The following PCDHGB4 variants were observed in gnomAD, a reference collection of about 807,000 sequenced individuals.
PCDHGB4 encodes the protein protocadherin gamma subfamily B, 4.
A neutral mutation model predicts 60.5 loss-of-function variants in PCDHGB4; 38 were observed. That is an observed-to-expected ratio of 0.63 (90% CI 0.48 to 0.82). The LOEUF is 0.82. PCDHGB4 is among the 40% of genes least tolerant of loss of function. The pLI, the probability that PCDHGB4 is intolerant of heterozygous loss-of-function variation, is 0.00. For synonymous variants in PCDHGB4, 456 were observed against 509.7 expected (o/e 0.89, Z 1.42); for missense variants, 1,109 against 1,209.6 (o/e 0.92, Z 1.23).
intron 1 of PCDHGB4, chr5:141,393,024 A>G (rs755325492): frequency 6.2e-7 from 1 of 1,613,834 alleles, no homozygotes; most frequent in East Asian, 2.2e-5. Context: ...CTCCAGAGGT[A>G]GGACGCAGCT....
Position 141,477,966 on chromosome 5 carries a change from G to A in PCDHGB4, c.2398-16841G>A, listed in dbSNP as rs2099426792. 6.2e-7 allele frequency: 1 copy of A among 1,614,118 alleles called. No individual in the cohort carries two copies. The highest frequency in any genetic ancestry group is 8.5e-7 in the Non-Finnish European group (1 of 1,180,036). ...AGTCTCTTGGGATCCCCTAACCAGAGCCTTTTTGCCATAGGGCTGCACACT... is the reference window on the plus strand; with the variant it reads ...AGTCTCTTGGGATCCCCTAACCAGAACCTTTTTGCCATAGGGCTGCACACT... On this transcript the variant is annotated intron_variant, in intron 1 of 3. Transcript: ENST00000519479. This position sits in a 1 kb window ranked among gnomAD's most constrained non-coding sequence, Gnocchi z 4.9.
chr5:141,418,125 G>C, intron 1 of PCDHGB4: 1 of 1,614,086 alleles, frequency 6.2e-7, no homozygotes. Flanking sequence ...GTGAAGGACC[G>C]AATAGACCGT....
chr5:141,422,699 C>G (rs765368737), intron 1 of PCDHGB4: 2 of 1,603,420 alleles, frequency 1.2e-6, no homozygotes, highest in South Asian at 1.1e-5. Context: ...GTCACTTACT[C>G]TCTGACGGAT....
rs762238827 is a variant in PCDHGB4 at position 141,487,202 on chromosome 5, C to T, written c.2398-7605C>T. ...CACTCATCCAGTTGTCCCAGATCTT[C>T]GAGAATCTTCAGCTCCAAGGGAAGG... On this transcript the variant is annotated intron_variant, in intron 1 of 3. Coordinates refer to ENST00000519479, the MANE Select transcript of PCDHGB4 (RefSeq NM_003736.4). This position sits in a 1 kb window ranked among gnomAD's most constrained non-coding sequence, Gnocchi z 5.0. 7 of 1,613,660 alleles carry T rather than the reference C, an allele frequency of 4.3e-6. No homozygotes were observed. The highest frequency in any genetic ancestry group is 1.7e-5 in the Admixed American group (1 of 59,992).
At chr5:141,414,496 C>T in intron 1 of PCDHGB4, 7 of 1,613,956 alleles carry the variant, frequency 4.3e-6, no homozygotes, top group Middle Eastern at 1.6e-4. Flanking sequence ...AACGGAAGCT[C>T]ACTTTATGCT....
chr5:141,433,208 CTTTT>C (rs745329085), intron 1 of PCDHGB4: 3 of 1,293,778 alleles, frequency 2.3e-6, no homozygotes, highest in African/African-American at 1.5e-5. Flanking sequence ...AATCTTCTTT[CTTTT>C]TTTTTTTTAA....
At chr5:141,396,562 G>C (rs2150669769) in intron 1 of PCDHGB4, 1 of 152,144 alleles carries the variant, frequency 6.6e-6, no homozygotes, top group South Asian at 2.1e-4. Context: ...GGAGGTTGCA[G>C]TGAGCCTCGA....
intron 2 of PCDHGB4, among the ~76,000 whole-genome samples, chr5:141,496,753 A>G (rs2099771084): frequency 6.6e-6 from 1 of 152,166 alleles, no homozygotes; most frequent in Admixed American, 6.5e-5. Flanking sequence ...TTCAACAAAT[A>G]TTTATCGAGC....
At chr5:141,408,912 A>G (rs772751015) in intron 1 of PCDHGB4, 4 of 1,613,594 alleles carry the variant, frequency 2.5e-6, no homozygotes, top group Middle Eastern at 1.6e-4. Flanking sequence ...GATACCAATG[A>G]TAACCCCCCG....
intron 2 of PCDHGB4, among the ~76,000 whole-genome samples, chr5:141,504,713 G>A (rs1443171981): frequency 1.3e-5 from 2 of 151,850 alleles, no homozygotes; most frequent in African/African-American, 2.4e-5. Context: ...TATGGCCGTG[G>A]ATTTTACTCT....
chr5:141,404,278 G>T (rs780738049), intron 1 of PCDHGB4: 7 of 1,613,962 alleles, frequency 4.3e-6, no homozygotes, highest in Admixed American at 3.3e-5. Flanking sequence ...CCCTGCAAGT[G>T]ACTGACATCA....
chr5:141,414,152 A>T, intron 1 of PCDHGB4: 1 of 1,600,994 alleles, frequency 6.2e-7, no homozygotes, highest in Non-Finnish European at 8.5e-7. Flanking sequence ...ATACAAGCAG[A>T]AGATGGAGGA....
chr5:141,463,466 T>G (rs1400160593), intron 1 of PCDHGB4, among the ~76,000 whole-genome samples: 2 of 142,982 alleles, frequency 1.4e-5, no homozygotes, highest in African/African-American at 5.2e-5. Context: ...TTTTTTTTTT[T>G]GAGATGGAGT....
In PCDHGB4 at chr5:141,432,582, T is replaced by A. The variant is rs1561862595; in HGVS notation, c.2397+42301T>A. 2 of 1,613,236 alleles carry A rather than the reference T, an allele frequency of 1.2e-6. No homozygotes were observed. The highest frequency in any genetic ancestry group is 1.7e-6 in the Non-Finnish European group (2 of 1,179,922). On this transcript the variant is annotated intron_variant, in intron 1 of 3. Transcript: ENST00000519479. This position sits in a 1 kb window ranked among gnomAD's most constrained non-coding sequence, Gnocchi z 6.0. ...CAGAACGCCTGGCTGTCCTACCGTC[T>A]GCTCAAGGCCAGCGAGCCGGGACTC...
chr5:141,409,571 T>TACGTGGTCC (rs2095286242), intron 1 of PCDHGB4: 2 of 1,613,932 alleles, frequency 1.2e-6, no homozygotes, highest in East Asian at 4.5e-5. Context: ...CCAGACGTCC[T>TACGTGGTCC]ACGTGGTCCA....
rs1445370262 is a variant in PCDHGB4 at position 141,388,395 on chromosome 5, C to A, written c.511C>A (p.Gln171Lys). ...TGGTAGCAACACACTGCAGAATTACCAACTCAGTCCCAGTGATCATTTCTC... is the reference window on the plus strand; with the variant it reads ...TGGTAGCAACACACTGCAGAATTACAAACTCAGTCCCAGTGATCATTTCTC... ...DIGSNTLQNY[Q>K]LSPSDHFSLI... The change falls in exon 1 of 4, where the codon CAA becomes AAA. Residue 171 changes from glutamine (Q) to lysine (K), a missense_variant. Gln to Lys is a moderately conservative substitution (Grantham distance 53). Transcript: ENST00000519479. The A allele has an allele frequency of 2.5e-6, 4 of 1,613,810 alleles. No individual in the cohort carries two copies. The highest frequency in any genetic ancestry group is 2.7e-5 in the African/African-American group (2 of 74,920).
At chr5:141,474,722 C>G (rs1562046141) in intron 1 of PCDHGB4, among the ~76,000 whole-genome samples, 1 of 152,216 alleles carries the variant, frequency 6.6e-6, no homozygotes, top group Non-Finnish European at 1.5e-5. Flanking sequence ...TTCAAAAGGA[C>G]TCTATGCAAT....
intron 1 of PCDHGB4, chr5:141,410,503 A>G: frequency 6.2e-7 from 1 of 1,613,958 alleles, no homozygotes; most frequent in Non-Finnish European, 8.5e-7. Context: ...TTAATTTCCT[A>G]AAATGCAGTG....
intron 1 of PCDHGB4, among the ~76,000 whole-genome samples, chr5:141,460,093 A>T (rs2098981983): frequency 6.6e-6 from 1 of 151,964 alleles, no homozygotes. Flanking sequence ...TAATAATTAT[A>T]CATGTAATTA....
Sources: allele counts gnomAD v4.1 joint callset (sites outside exome capture counted in the v4.1 genomes callset), GRCh38; gene constraint gnomAD v4.1.1; non-coding constraint Gnocchi (gnomAD v3.1); transcripts MANE v1.5; gene names NCBI Gene and HGNC (gene_info 2026-07-23, HGNC 2026-07-21).